GGA1: variants seen among roughly 807,000 people sequenced by gnomAD.
The protein encoded by GGA1 is ADP-ribosylation factor-binding protein GGA1.
GGA1 carries 18 observed loss-of-function variants against 76.9 expected under a neutral mutation model. That is an observed-to-expected ratio of 0.23 (90% CI 0.16 to 0.35). The LOEUF is 0.35. Among genes scored for constraint, GGA1 ranks in the 10% least tolerant of loss-of-function variants. GGA1 has a pLI of 1.00. For missense variants in GGA1, 755 were observed against 859.0 expected (o/e 0.88, Z 1.51); for synonymous variants, 342 against 354.7 (o/e 0.96, Z 0.40).
At position 37,629,985 on chromosome 22, in the gene GGA1, C is replaced by T; in HGVS notation, c.1159-13C>T. On this transcript the variant is annotated splice_polypyrimidine_tract_variant and intron_variant, in intron 12 of 16. Transcript: ENST00000343632. ...TAGACAGCCCCACCCCACCTGCATCCTTTTCCCCACAGTCGTCGGATGCCA... is the reference window on the plus strand; with the variant it reads ...TAGACAGCCCCACCCCACCTGCATCTTTTTCCCCACAGTCGTCGGATGCCA... 1 of 1,537,250 alleles carries T rather than the reference C, an allele frequency of 6.5e-7. No homozygotes were observed. The highest frequency in any genetic ancestry group is 8.8e-7 in the Non-Finnish European group (1 of 1,138,302).
Position 37,608,850 on chromosome 22 carries a change from G to T in GGA1, c.-11G>T. The T allele has an allele frequency of 1.5e-6, 2 of 1,308,954 alleles. No individual in the cohort carries two copies. Among genetic ancestry groups the T allele is most frequent in the South Asian group, 2.3e-5 (1 of 44,442 alleles). The allele number at this position is 1,308,954 out of a possible 1,614,324, so 81.1% of individuals were successfully genotyped here. A position where few individuals can be genotyped will look rare whatever the true frequency, so the allele number is the denominator to read the frequency against. On this transcript the variant is annotated 5_prime_UTR_variant, in exon 1 of 17. Transcript: ENST00000343632. The stretch of plus-strand genomic sequence containing the variant: ...CGGGGGGGCGGTGCCGAGGCTGGGG[G>T]CCGGTGGCGGATGGAGCCCGCGATG...
At position 37,625,704 on chromosome 22, in the gene GGA1, T is replaced by C. The variant is rs1930687322; in HGVS notation, c.941-93T>C. On this transcript the variant is annotated intron_variant, in intron 10 of 16. Coordinates refer to ENST00000343632, the MANE Select transcript of GGA1 (RefSeq NM_013365.5). The surrounding 1 kb of genome is among the most constrained non-coding windows in gnomAD (Gnocchi z 4.1). Reference sequence around the variant, plus strand: ...GAGGCAGGAGACCAGTGGTAAAGCATCGGGGGTTAGGTGTTGCTCCCCCGC... The same window carrying C: ...GAGGCAGGAGACCAGTGGTAAAGCACCGGGGGTTAGGTGTTGCTCCCCCGC... 1 of 971,444 alleles carries C rather than the reference T, an allele frequency of 1.0e-6. No individual in the cohort carries two copies. The highest frequency in any genetic ancestry group is 1.5e-6 in the Non-Finnish European group (1 of 677,646). 60.2% of individuals were successfully genotyped at this position (971,444 alleles called of 1,614,324 possible).
intron 5 of GGA1, 72 bp from the exon 6 acceptor site, chr22:37,620,741 C>A: frequency 1.1e-6 from 1 of 928,950 alleles, no homozygotes; most frequent in East Asian, 2.4e-5. Flanking sequence ...CTTGCCTGCC[C>A]CCATCCCCAT....
chr22:37,632,151 T>A lies in GGA1; in HGVS notation c.1684T>A (p.Ser562Thr), dbSNP rs1340881021. Residue 562 changes from serine (S) to threonine (T), a missense_variant, in exon 15 of 17, where the codon TCA becomes ACA. Coordinates refer to ENST00000343632, the MANE Select transcript of GGA1 (RefSeq NM_013365.5). The surrounding 1 kb of genome is among the most constrained non-coding windows in gnomAD (Gnocchi z 5.1). ...GCCCATCCGCAACATCGTGTTCCAG[T>A]CAGCTGTCCCCAAGGTGACAAGCCA... ...PQPIRNIVFQ[S>T]AVPKVMKVKL... 6.2e-7 allele frequency: 1 copy of A among 1,611,872 alleles called. No individual in the cohort carries two copies. Among genetic ancestry groups the A allele is most frequent in the Admixed American group, 1.7e-5 (1 of 59,940 alleles).
rs1568997107 is a variant in GGA1 at position 37,632,219 on chromosome 22, T to C, written c.1698+54T>C. The C allele has an allele frequency of 1.3e-6, 2 of 1,547,232 alleles. No individual in the cohort carries two copies. Among genetic ancestry groups the C allele is most frequent in the Non-Finnish European group, 1.8e-6 (2 of 1,129,496 alleles). ...TCCCTCCTCTCAAGGCAGGGTGACATGGAGCTGGGTGGGGAGCCACCTGTC... is the reference window on the plus strand; with the variant it reads ...TCCCTCCTCTCAAGGCAGGGTGACACGGAGCTGGGTGGGGAGCCACCTGTC... On this transcript the variant is annotated intron_variant, in intron 15 of 16. Transcript: ENST00000343632. The surrounding 1 kb of genome is among the most constrained non-coding windows in gnomAD (Gnocchi z 5.1).
At chr22:37,608,992 C>A in intron 1 of GGA1, 89 bp downstream of exon 1, 1 of 1,346,088 alleles carries the variant, frequency 7.4e-7, no homozygotes, top group South Asian at 1.8e-5. Flanking sequence ...GGGTACGGGT[C>A]GCCCCCTCCT....
At chr22:37,614,095 C>T (rs377415320) in intron 1 of GGA1, 95 bp from the exon 2 acceptor site, 16 of 853,666 alleles carry the variant, frequency 1.9e-5, no homozygotes, top group African/African-American at 6.6e-5. Flanking sequence ...AGTCACACTC[C>T]TCTCCCACTC....
rs752114185 is a variant in GGA1 at position 37,629,508 on chromosome 22, C to T, written c.1140C>T (p.Thr380=). 10 of 1,581,846 alleles carry T rather than the reference C, an allele frequency of 6.3e-6. No individual in the cohort carries two copies. Among genetic ancestry groups the T allele is most frequent in the East Asian group, 2.4e-5 (1 of 42,000 alleles). The change falls in exon 12 of 17, where the codon ACC becomes ACT. Residue 380 remains threonine, a synonymous_variant. Transcript: ENST00000343632. The part of the protein sequence containing the change: ...TPPSGPSLDG[T]GWNSFQSSDA... ...CTTCAGGCCCAAGCCTGGATGGTAC[C>T]GGATGGAACAGCTTCCAGGTAGGAG...
intron 14 of GGA1, 73 bp from the exon 15 acceptor site, chr22:37,631,923 C>G: frequency 7.2e-7 from 1 of 1,391,708 alleles, no homozygotes; most frequent in Non-Finnish European, 9.9e-7. Context: ...TGAGGCCAGC[C>G]GGGTGGGGGC....
chr22:37,609,359 A>G, intron 1 of GGA1: 1 of 1,096,548 alleles, frequency 9.1e-7, no homozygotes, highest in Non-Finnish European at 1.1e-6. Flanking sequence ...TGGAGCCCGC[A>G]AGTAGTCACA....
Position 37,620,350 on chromosome 22 carries a change from T to C in GGA1, c.416T>C (p.Leu139Pro). The part of the protein sequence containing the change: ...EVKIAEAYQM[L>P]KKQGIVKSDP... ...AAAATCGCAGAGGCCTACCAGATGC[T>C]AAAGAAGCAGGGTGAGGCACACAGA... Residue 139 changes from leucine (L) to proline (P), a missense_variant, in exon 5 of 17, where the codon CTA becomes CCA. Physicochemically the swap from Leu to Pro is moderately conservative, Grantham distance 98 (BLOSUM62 -3). Coordinates refer to ENST00000343632, the MANE Select transcript of GGA1 (RefSeq NM_013365.5). The C allele has an allele frequency of 6.2e-7, 1 of 1,613,818 alleles. No homozygotes were observed. The highest frequency in any genetic ancestry group is 8.5e-7 in the Non-Finnish European group (1 of 1,179,942).
chr22:37,612,434 T>C (rs1927846318), intron 1 of GGA1: 1 of 140,304 alleles, frequency 7.1e-6, no homozygotes, highest in South Asian at 2.3e-4. Flanking sequence ...ATCACACCAC[T>C]GCACTCCAGC....
At chr22:37,614,042 C>A (rs1029986924) in intron 1 of GGA1, 148 bp from the exon 2 acceptor site, 8 of 648,288 alleles carry the variant, frequency 1.2e-5, no homozygotes, top group Non-Finnish European at 2.3e-5. Context: ...GGTCTTGAGG[C>A]TGTCTGGGCA....
Position 37,633,246 on chromosome 22 carries a change from G to C in GGA1, c.*535G>C, listed in dbSNP as rs557491415. 6.5e-6 allele frequency: 1 copy of C among 153,468 alleles called. No homozygotes were observed. The highest frequency in any genetic ancestry group is 1.5e-5 in the Non-Finnish European group (1 of 68,812). 9.5% of individuals were successfully genotyped at this position (153,468 alleles called of 1,614,324 possible). ...TGTGGTTTGACTCTGCTTTTCTTCCGGATTGGCCCTGTGGTCACAGCCTCA... is the reference window on the plus strand; with the variant it reads ...TGTGGTTTGACTCTGCTTTTCTTCCCGATTGGCCCTGTGGTCACAGCCTCA... On this transcript the variant is annotated 3_prime_UTR_variant, in exon 17 of 17. Transcript: ENST00000343632.
Position 37,632,905 on chromosome 22 carries a change from C to T in GGA1, c.*194C>T, listed in dbSNP as rs1932071186. The T allele has an allele frequency of 1.7e-6, 1 of 583,746 alleles. No homozygotes were observed. Among genetic ancestry groups the T allele is most frequent in the Non-Finnish European group, 3.1e-6 (1 of 325,336 alleles). 36.2% of individuals were successfully genotyped at this position (583,746 alleles called of 1,614,324 possible). On this transcript the variant is annotated 3_prime_UTR_variant, in exon 17 of 17. Coordinates refer to ENST00000343632, the MANE Select transcript of GGA1 (RefSeq NM_013365.5). This position sits in a 1 kb window ranked among gnomAD's most constrained non-coding sequence, Gnocchi z 5.1. The stretch of plus-strand genomic sequence containing the variant: ...CCGGCCCCGCCCCTGCTGAGCCAAA[C>T]CCAGTAGGAGGCTGGGCCTGGGTTT...
Position 37,625,858 on chromosome 22 carries a change from C to T in GGA1, c.1002C>T (p.Tyr334=). 6.2e-7 allele frequency: 1 copy of T among 1,611,818 alleles called. No individual in the cohort carries two copies. Among genetic ancestry groups the T allele is most frequent in the Non-Finnish European group, 8.5e-7 (1 of 1,178,878 alleles). The change falls in exon 11 of 17, where the codon TAC becomes TAT. Residue 334 remains tyrosine (Y), a synonymous_variant. Coordinates refer to ENST00000343632, the MANE Select transcript of GGA1 (RefSeq NM_013365.5). The surrounding 1 kb of genome is among the most constrained non-coding windows in gnomAD (Gnocchi z 4.1). The part of the protein sequence containing the change: ...GLDLPPAGTT[Y]PAMPTRPGEQ... ...ATCTCCCGCCTGCGGGCACCACCTACCCAGCTATGCCCACCCGCCCTGGCG... is the reference window on the plus strand; with the variant it reads ...ATCTCCCGCCTGCGGGCACCACCTATCCAGCTATGCCCACCCGCCCTGGCG...
chr22:37,617,165 C>A, intron 3 of GGA1, 168 bp downstream of exon 3: 1 of 1,460,758 alleles, frequency 6.8e-7, no homozygotes, highest in Non-Finnish European at 9.0e-7. Context: ...CCACAGCCAG[C>A]GGGCTGGCCT....
chr22:37,617,351 C>T, intron 3 of GGA1: 2 of 1,157,676 alleles, frequency 1.7e-6, no homozygotes, highest in Non-Finnish European at 2.1e-6. Flanking sequence ...GGAGTATCTG[C>T]ATCCAGAGAT....
chr22:37,628,860 C>CT lies in GGA1; in HGVS notation c.1094-601dup, dbSNP rs369037494. ...AGAGGTCAGGCTGGCTGGTGACCTG[C>CT]TGCCTCCTTCCCATCGGCAGCTAGT... On this transcript the variant is annotated intron_variant, in intron 11 of 16. Transcript: ENST00000343632. 3.5e-3 allele frequency among the ~76,000 whole-genome samples: 528 copies of CT among 152,344 alleles called. 4 individuals carry two copies. The highest frequency in any genetic ancestry group is 0.012 in the African/African-American group (508 of 41,584).
Sources: gnomAD v4.1 joint callset for allele counts (sites outside exome capture counted in the v4.1 genomes callset) on GRCh38, gnomAD v4.1.1 for gene constraint, Gnocchi (gnomAD v3.1) non-coding constraint, MANE v1.5 for transcripts, NCBI Gene and HGNC (gene_info 2026-07-23, HGNC 2026-07-21) for gene names.